SLC6A20: variants seen among roughly 807,000 people sequenced by gnomAD.
SLC6A20 encodes solute carrier family 6 member 20, also known as sodium- and chloride-dependent transporter XTRP3.
In SLC6A20, 73 loss-of-function variants were observed where a neutral mutation model predicts 64.3. The ratio of observed to expected loss-of-function variants is 1.14; its 90% CI spans 0.94 to 1.38. The LOEUF (loss-of-function observed/expected upper bound fraction) is 1.38, where lower values mean the gene tolerates loss of function less well. Ranked by LOEUF, SLC6A20 falls within the 40% of genes most tolerant of loss-of-function variation. The pLI, the probability that SLC6A20 is intolerant of heterozygous loss-of-function variation, is 0.00. For synonymous variants in SLC6A20, 347 were observed against 329.6 expected, an observed-to-expected ratio of 1.05 and a Z score of -0.57; for missense variants, 725 against 772.8, an observed-to-expected ratio of 0.94 and a Z score of 0.73.
At chr3:45,769,811 A>G (rs990373001) in intron 7 of SLC6A20, among the ~76,000 whole-genome samples, 13 of 152,204 alleles carry the variant, frequency 8.5e-5, no homozygotes, top group Non-Finnish European at 1.5e-4. Context: ...GAGTAGGGAA[A>G]AAAAGGGGGA....
chr3:45,774,961 C>T (rs775901813), intron 4 of SLC6A20, among the ~76,000 whole-genome samples: 91 of 152,136 alleles, frequency 6.0e-4, no homozygotes, highest in Non-Finnish European at 9.4e-4. Context: ...AATGTGGGTG[C>T]TCAAGCCGTG....
At chr3:45,786,444 GT>G (rs946651301) in intron 1 of SLC6A20, among the ~76,000 whole-genome samples, 1 of 152,178 alleles carries the variant, frequency 6.6e-6, no homozygotes, top group Non-Finnish European at 1.5e-5. Flanking sequence ...GCACTGGCCA[GT>G]TACTTTGTGG....
Position 45,785,613 on chromosome 3 carries a change from T to TTCTCTCTCTCTCTCTCTC in SLC6A20, c.122-3408_122-3391dup, listed in dbSNP as rs60563353. On this transcript the variant is annotated intron_variant, in intron 1 of 10. Coordinates refer to ENST00000358525, the MANE Select transcript of SLC6A20 (RefSeq NM_020208.4). ...GAGTTAATACTTAATAAACTCCCCT[T>TTCTCTCTCTCTCTCTCTC]TCTCTCTCTCTCTCTCTCTCTCTCT... Among the ~76,000 whole-genome samples, 420 of 141,076 alleles carry TTCTCTCTCTCTCTCTCTC rather than the reference T, an allele frequency of 3.0e-3. 5 individuals are homozygous for TTCTCTCTCTCTCTCTCTC. The highest frequency in any genetic ancestry group is 0.018 in the South Asian group (70 of 3,988). The allele number at this position is 141,076 out of a possible 152,430, so 92.6% of individuals were successfully genotyped here.
At chr3:45,782,963 G>C (rs948202439) in intron 1 of SLC6A20, among the ~76,000 whole-genome samples, 22 of 152,234 alleles carry the variant, frequency 1.4e-4, no homozygotes, top group African/African-American at 5.1e-4. Context: ...CAAGACAATT[G>C]TGTTGTTAAA....
intron 3 of SLC6A20, among the ~76,000 whole-genome samples, chr3:45,776,812 G>A (rs913184333): frequency 6.6e-6 from 1 of 152,236 alleles, no homozygotes; most frequent in African/African-American, 2.4e-5. Context: ...TAGCAGCATC[G>A]CTTGCATTTG....
At chr3:45,785,986 G>A (rs1414674604) in intron 1 of SLC6A20, among the ~76,000 whole-genome samples, 1 of 152,170 alleles carries the variant, frequency 6.6e-6, no homozygotes, top group African/African-American at 2.4e-5. Context: ...AGGGAGACCA[G>A]CCAGCTCAGC....
chr3:45,760,037 G>A lies in SLC6A20; in HGVS notation c.1464-15C>T, dbSNP rs768582297. 12 of 1,602,800 alleles carry A rather than the reference G, an allele frequency of 7.5e-6. No individual in the cohort carries two copies. In the South Asian group the frequency reaches 1.2e-4, roughly 16 times the overall value. On this transcript the variant is annotated splice_polypyrimidine_tract_variant and intron_variant, in intron 9 of 10. Coordinates refer to ENST00000358525, the MANE Select transcript of SLC6A20 (RefSeq NM_020208.4). ...CACTTTCAAATCTATTTGGAAAACA[G>A]GGAGAGAAAGTCTGGATTAACCAGG...
chr3:45,782,578 T>C (rs1700112729), intron 1 of SLC6A20, among the ~76,000 whole-genome samples: 1 of 151,720 alleles, frequency 6.6e-6, no homozygotes, highest in East Asian at 1.9e-4. Flanking sequence ...CTTCCATCCA[T>C]CTATATTTCC....
chr3:45,796,306 G>A lies in SLC6A20; in HGVS notation c.114C>T (p.Tyr38=), dbSNP rs1475536797. The part of the protein sequence containing the change: ...VWRFPYLCQM[Y]GGGSFLVPYI... ...GGCGCGGTGGGCACTCACCTCCGCC[G>A]TACATCTGGCACAGGTACGGGAATC... Residue 38 remains tyrosine, a synonymous_variant, in exon 1 of 11, where the codon TAC becomes TAT. Coordinates refer to ENST00000358525, the MANE Select transcript of SLC6A20 (RefSeq NM_020208.4). The A allele has an allele frequency of 5.6e-6, 9 of 1,608,058 alleles. 1 individual carries two copies. Among genetic ancestry groups the A allele is most frequent in the Middle Eastern group, 1.6e-4 (1 of 6,072 alleles).
In SLC6A20 at chr3:45,796,468, A is replaced by G. The variant is rs760366170; in HGVS notation, c.-49T>C. ...CTCCGGCTCGGGGGTCCGGCACGGC[A>G]GTCTCAGTGCGCGGTCGCCAGGCGC... On this transcript the variant is annotated 5_prime_UTR_variant, in exon 1 of 11. Coordinates refer to ENST00000358525, the MANE Select transcript of SLC6A20 (RefSeq NM_020208.4). The G allele has an allele frequency of 1.7e-5, 26 of 1,574,576 alleles. No homozygotes were observed. The highest frequency in any genetic ancestry group is 2.2e-5 in the Non-Finnish European group (25 of 1,160,640).
At chr3:45,784,588 G>C (rs1381924326) in intron 1 of SLC6A20, among the ~76,000 whole-genome samples, 1 of 152,016 alleles carries the variant, frequency 6.6e-6, no homozygotes, top group Non-Finnish European at 1.5e-5. Flanking sequence ...TGCAAAACAC[G>C]CATCTTGAGA....
chr3:45,796,267 T>C (rs1357271178), intron 1 of SLC6A20, 32 bp downstream of exon 1: 2 of 1,575,462 alleles, frequency 1.3e-6, no homozygotes, highest in Non-Finnish European at 1.7e-6. Context: ...CGCACAGAGT[T>C]GGGCTGGGGC....
chr3:45,784,427 T>G (rs538356914), intron 1 of SLC6A20, among the ~76,000 whole-genome samples: 54 of 152,346 alleles, frequency 3.5e-4, no homozygotes, highest in African/African-American at 1.3e-3. Context: ...AAAACCTTTA[T>G]GAACTTGAGT....
At chr3:45,790,123 G>A (rs930777725) in intron 1 of SLC6A20, among the ~76,000 whole-genome samples, 6 of 152,024 alleles carry the variant, frequency 3.9e-5, no homozygotes, top group Non-Finnish European at 7.4e-5. Flanking sequence ...AGAGATGCCC[G>A]CCCGAGTCAG....
rs1363260256 is a variant in SLC6A20 at position 45,763,009 on chromosome 3, C to T, written c.1367G>A (p.Trp456Ter). 1.2e-6 allele frequency: 2 copies of T among 1,614,130 alleles called. No homozygotes were observed. The highest frequency in any genetic ancestry group is 1.7e-6 in the Non-Finnish European group (2 of 1,180,034). Residue 456 changes from tryptophan to a stop codon, truncating the protein, a stop_gained, in exon 9 of 11, where the codon TGG becomes TAG. Coordinates refer to ENST00000358525, the MANE Select transcript of SLC6A20 (RefSeq NM_020208.4). LOFTEE classifies it high-confidence loss of function. The part of the protein sequence containing the change: ...MVFTMEAGNY[W>*]FDIFNDYAAT... ...CGCGTAGTCGTTGAATATGTCAAACCAGTAGTTCCCAGCCTCCATCGTGAA... is the reference window on the plus strand; with the variant it reads ...CGCGTAGTCGTTGAATATGTCAAACTAGTAGTTCCCAGCCTCCATCGTGAA...
chr3:45,794,472 G>T (rs941649525), intron 1 of SLC6A20, among the ~76,000 whole-genome samples: 1 of 152,066 alleles, frequency 6.6e-6, no homozygotes, highest in Admixed American at 6.6e-5. Flanking sequence ...TCCATGCTCC[G>T]TCCGGCTTCC....
chr3:45,777,303 C>T (rs1430869604), intron 3 of SLC6A20, among the ~76,000 whole-genome samples: 1 of 151,714 alleles, frequency 6.6e-6, no homozygotes, highest in Non-Finnish European at 1.5e-5. Flanking sequence ...CTGGTGAGGA[C>T]CTCCACGCCC....
In SLC6A20 at chr3:45,758,974, C is replaced by T. The variant is rs773376491; in HGVS notation, c.*4G>A. On this transcript the variant is annotated 3_prime_UTR_variant, in exon 11 of 11. Transcript: ENST00000358525. ...AAACCGTGAGCGGCTGGGAAGCCCA[C>T]ATCTCAGGCCACGGGGTCTGCGTCT... 23 of 1,595,428 alleles carry T rather than the reference C, an allele frequency of 1.4e-5. No individual in the cohort carries two copies. In the South Asian group the frequency reaches 2.5e-4, roughly 17 times the overall value.
intron 3 of SLC6A20, among the ~76,000 whole-genome samples, chr3:45,779,106 C>T (rs566681472): frequency 6.6e-6 from 1 of 152,354 alleles, no homozygotes; most frequent in East Asian, 1.9e-4. Context: ...GCTTGCGGAC[C>T]TTGGGGACAG....
Sources: allele counts gnomAD v4.1 joint callset (sites outside exome capture counted in the v4.1 genomes callset), GRCh38; gene constraint gnomAD v4.1.1; transcripts MANE v1.5; gene names NCBI Gene and HGNC (gene_info 2026-07-23, HGNC 2026-07-21).